Variants in SLC36A1 observed in about 807,000 individuals in gnomAD.
SLC36A1 encodes proton-coupled amino acid transporter 1.
Under a neutral mutation model 47.5 loss-of-function variants are expected in SLC36A1, and 30 were observed. That is an observed-to-expected ratio of 0.63 (90% CI 0.47 to 0.86). The LOEUF is 0.86. Ranked by LOEUF, SLC36A1 falls within the 40% of genes least tolerant of loss-of-function variation. The probability of loss-of-function intolerance (pLI) is 0.00; values close to 1 mark genes in which losing one functional copy is unlikely to be tolerated. For synonymous variants in SLC36A1, 255 were observed against 249.7 expected, an observed-to-expected ratio of 1.02 and a Z score of -0.20; for missense variants, 517 against 606.0, an observed-to-expected ratio of 0.85 and a Z score of 1.54.
At chr5:151,381,872 T>G in the SLC36A1 span, 1 of 237,672 alleles carries the variant, frequency 4.2e-6, no homozygotes, top group Non-Finnish European at 8.0e-6. Flanking sequence ...ATAAGACTGG[T>G]CTCCCGCAAA....
At chr5:151,500,079 C>T in the SLC36A1 span, among the ~76,000 whole-genome samples, 9 of 152,314 alleles carry the variant, frequency 5.9e-5, no homozygotes, top group East Asian at 3.9e-4. Context: ...CTCTGTGCCA[C>T]CTAGAAATTA....
At chr5:151,522,065 G>A in the SLC36A1 span, 1 of 1,596,546 alleles carries the variant, frequency 6.3e-7, no homozygotes, top group African/African-American at 1.3e-5. Context: ...GACGAGAGGG[G>A]AGGGATGCCA....
the SLC36A1 span, among the ~76,000 whole-genome samples, chr5:151,398,548 T>G: frequency 6.6e-6 from 1 of 152,300 alleles, no homozygotes; most frequent in South Asian, 2.1e-4. Flanking sequence ...TTATTTGTGG[T>G]TTGAGATGGT....
chr5:151,468,273 A>ATATATATATATATATATATATATTT (rs1561759802), intron 7 of SLC36A1, among the ~76,000 whole-genome samples: 66 of 93,306 alleles, frequency 7.1e-4, no homozygotes, highest in African/African-American at 3.3e-3. Context: ...AAAAATATAT[A>ATATATATATATATATATATATATTT]TATATATATA....
chr5:151,518,371 A>ATTATTATT, the SLC36A1 span, among the ~76,000 whole-genome samples: 12 of 131,134 alleles, frequency 9.2e-5, no homozygotes, highest in South Asian at 5.0e-4. Flanking sequence ...TAATAATAAT[A>ATTATTATT]ATAATTTTTA....
chr5:151,446,588 C>A (rs1752935429), upstream of SLC36A1, among the ~76,000 whole-genome samples: 1 of 151,286 alleles, frequency 6.6e-6, no homozygotes, highest in African/African-American at 2.4e-5. Context: ...TTCCAAGATT[C>A]CTCCTGTCAT....
At chr5:151,468,263 A>AT (rs1287766716) in intron 7 of SLC36A1, among the ~76,000 whole-genome samples, 42 of 80,848 alleles carry the variant, frequency 5.2e-4, no homozygotes, top group African/African-American at 1.7e-3. Context: ...AAAAAAAAAA[A>AT]AAAATATATA....
At chr5:151,448,234 C>A (rs910804872) in intron 1 of SLC36A1, among the ~76,000 whole-genome samples, 3 of 152,202 alleles carry the variant, frequency 2.0e-5, no homozygotes, top group Non-Finnish European at 4.4e-5. Context: ...GGGGTAAGGG[C>A]TTGCCTAAGG....
At chr5:151,536,013 G>GA in the SLC36A1 span, among the ~76,000 whole-genome samples, 7 of 152,256 alleles carry the variant, frequency 4.6e-5, no homozygotes, top group Admixed American at 3.9e-4. Flanking sequence ...GCTGAGTGAA[G>GA]AAAAGCAAGT....
chr5:151,528,125 C>T, the SLC36A1 span: 18 of 1,613,830 alleles, frequency 1.1e-5, no homozygotes, highest in South Asian at 5.5e-5. Context: ...CTTCATCAGT[C>T]GCTGATACCT....
chr5:151,518,218 C>T, the SLC36A1 span, among the ~76,000 whole-genome samples: 1 of 152,044 alleles, frequency 6.6e-6, no homozygotes, highest in African/African-American at 2.4e-5. Context: ...ATGCCTGTAA[C>T]TCCAGTTACT....
chr5:151,389,182 C>T, the SLC36A1 span, among the ~76,000 whole-genome samples: 1 of 152,168 alleles, frequency 6.6e-6, no homozygotes, highest in African/African-American at 2.4e-5. Context: ...CTCCCTCTGT[C>T]TCCACCTTCC....
the SLC36A1 span, among the ~76,000 whole-genome samples, chr5:151,536,192 A>G: frequency 2.7e-5 from 4 of 150,802 alleles, no homozygotes; most frequent in Non-Finnish European, 5.9e-5. Flanking sequence ...TCAATTTTAT[A>G]CCATGAACAT....
At chr5:151,345,178 G>A in the SLC36A1 span, among the ~76,000 whole-genome samples, 1 of 152,208 alleles carries the variant, frequency 6.6e-6, no homozygotes. Context: ...CCTGTACCAG[G>A]TTAAGTCAAG....
chr5:151,367,146 G>T, the SLC36A1 span, among the ~76,000 whole-genome samples: 1 of 152,182 alleles, frequency 6.6e-6, no homozygotes, highest in Non-Finnish European at 1.5e-5. Context: ...GTGTTCAGCA[G>T]TGCACGTATT....
chr5:151,528,969 T>C, the SLC36A1 span, among the ~76,000 whole-genome samples: 1 of 152,186 alleles, frequency 6.6e-6, no homozygotes, highest in Non-Finnish European at 1.5e-5. Context: ...ATCATATGGC[T>C]CTGAGACATT....
the SLC36A1 span, among the ~76,000 whole-genome samples, chr5:151,374,069 G>A: frequency 6.6e-6 from 1 of 152,158 alleles, no homozygotes; most frequent in African/African-American, 2.4e-5. Flanking sequence ...AAGGTGCAAG[G>A]CCCTTGCACC....
intron 10 of SLC36A1, among the ~76,000 whole-genome samples, chr5:151,483,517 T>TTGGGGGGG (rs1759099418): frequency 7.9e-6 from 1 of 126,242 alleles, no homozygotes; most frequent in African/African-American, 4.0e-5. Context: ...TTTGTGTGTG[T>TTGGGGGGG]GGGGGGGGTG....
At chr5:151,460,213 T>G (rs1755303526) in intron 2 of SLC36A1, among the ~76,000 whole-genome samples, 2 of 152,224 alleles carry the variant, frequency 1.3e-5, no homozygotes. Context: ...GAGGTCATGC[T>G]TGTTATCGTA....
Sources: allele counts gnomAD v4.1 joint callset (sites outside exome capture counted in the v4.1 genomes callset), GRCh38; gene constraint gnomAD v4.1.1; transcripts MANE v1.5; gene names NCBI Gene and HGNC (gene_info 2026-07-23, HGNC 2026-07-21).